The following RIMBP2 variants were observed in gnomAD, a reference collection of about 807,000 sequenced individuals.
The protein encoded by RIMBP2 is RIMS binding protein 2.
In RIMBP2, 48 loss-of-function variants were observed where a neutral mutation model predicts 118.6. The ratio of observed to expected loss-of-function variants is 0.40; its 90% confidence interval spans 0.32 to 0.51. RIMBP2 has a LOEUF of 0.51. Among genes scored for constraint, RIMBP2 ranks in the 20% least tolerant of loss-of-function variants. The pLI is 0.41. For synonymous variants in RIMBP2, 762 were observed against 742.9 expected, an observed-to-expected ratio of 1.03 and a Z score of -0.42; for missense variants, 1,551 against 1,768.3, an observed-to-expected ratio of 0.88 and a Z score of 2.20.
intron 7 of RIMBP2, among the ~76,000 whole-genome samples, chr12:130,456,042 C>T (rs1442048222): frequency 2.6e-5 from 4 of 152,202 alleles, no homozygotes; most frequent in African/African-American, 9.6e-5. Context: ...CCCAACATCA[C>T]CAACAAGTTA....
chr12:130,424,250 G>C lies in RIMBP2; in HGVS notation c.3021C>G (p.Thr1007=). ...PPRKHGWGEP[T]EHQDFRGVWK... is the part of the protein sequence containing the mutation. The stretch of plus-strand genomic sequence containing the variant: ...AGACACCCCGAAAATCTTGGTGCTC[G>C]GTGGGCTCGCCCCAGCCGTGCTTCC... The change falls in exon 16 of 23, where the codon ACC becomes ACG. Residue 1007 remains threonine, a synonymous_variant. Coordinates refer to ENST00000690449, the MANE Select transcript of RIMBP2 (RefSeq NM_001393629.1). This position sits in a 1 kb window ranked among gnomAD's most constrained non-coding sequence, Gnocchi z 9.8. 8.1e-7 allele frequency: 1 copy of C among 1,231,928 alleles called. No homozygotes were observed. The highest frequency in any genetic ancestry group is 1.0e-6 in the Non-Finnish European group (1 of 987,916). 76.3% of individuals were successfully genotyped at this position (1,231,928 alleles called of 1,614,324 possible).
chr12:130,480,354 G>A (rs1360309439), intron 4 of RIMBP2, among the ~76,000 whole-genome samples: 2 of 152,162 alleles, frequency 1.3e-5, no homozygotes, highest in Non-Finnish European at 2.9e-5. Context: ...TGAGAAGGGA[G>A]TGGGAGCTGC....
At chr12:130,441,405 A>AATAATAATCATC (rs201279756) in intron 11 of RIMBP2, among the ~76,000 whole-genome samples, 10 of 51,914 alleles carry the variant, frequency 1.9e-4, no homozygotes, top group South Asian at 1.0e-3. Flanking sequence ...CATCTCAAAT[A>AATAATAATCATC]ATAATAATAA....
chr12:130,581,617 T>C lies in RIMBP2; in HGVS notation c.-217+46705A>G, dbSNP rs1183832782. 3.3e-5 allele frequency among the ~76,000 whole-genome samples: 5 copies of C among 152,202 alleles called. No homozygotes were observed. The highest frequency in any genetic ancestry group is 7.3e-5 in the Non-Finnish European group (5 of 68,032). ...GGCTCAGGCCTCAGACCTGTCGCCT[T>C]CCTTCCTCTGTTCTCTTTGTCCTGT... On this transcript the variant is annotated intron_variant, in intron 2 of 22. Transcript: ENST00000690449. The surrounding 1 kb of genome is among the most constrained non-coding windows in gnomAD (Gnocchi z 4.4).
chr12:130,645,581 C>T (rs1382692722), intron 1 of RIMBP2, among the ~76,000 whole-genome samples: 2 of 152,184 alleles, frequency 1.3e-5, no homozygotes, highest in African/African-American at 4.8e-5. Context: ...AAGTCATGCC[C>T]TCTCCCACTG....
intron 14 of RIMBP2, among the ~76,000 whole-genome samples, chr12:130,433,351 T>C (rs1385390652): frequency 6.6e-6 from 1 of 152,218 alleles, no homozygotes; most frequent in Non-Finnish European, 1.5e-5. Context: ...TCACTGCATG[T>C]GCGTGTGACT....
Position 130,622,044 on chromosome 12 carries a change from A to G in RIMBP2, c.-217+6278T>C, listed in dbSNP as rs1002937962. 2.6e-5 allele frequency among the ~76,000 whole-genome samples: 4 copies of G among 152,254 alleles called. No individual in the cohort carries two copies. Among genetic ancestry groups the G allele is most frequent in the African/African-American group, 4.8e-5 (2 of 41,464 alleles). ...ACCAACAAAATGGAATTTAAAATACATAATTGCTTTAGTCATGAAGAGTAA... is the reference window on the plus strand; with the variant it reads ...ACCAACAAAATGGAATTTAAAATACGTAATTGCTTTAGTCATGAAGAGTAA... On this transcript the variant is annotated intron_variant, in intron 2 of 22. Coordinates refer to ENST00000690449, the MANE Select transcript of RIMBP2 (RefSeq NM_001393629.1). The surrounding 1 kb of genome is among the most constrained non-coding windows in gnomAD (Gnocchi z 8.5).
At chr12:130,638,862 G>A (rs1044255313) in intron 1 of RIMBP2, among the ~76,000 whole-genome samples, 1 of 152,150 alleles carries the variant, frequency 6.6e-6, no homozygotes, top group African/African-American at 2.4e-5. Context: ...TACAGGGTCT[G>A]ATGCTATGAC....
In RIMBP2 at chr12:130,585,303, C is replaced by T. The variant is rs532346035; in HGVS notation, c.-217+43019G>A. Among the ~76,000 whole-genome samples, 56 of 152,076 alleles carry T rather than the reference C, an allele frequency of 3.7e-4. No homozygotes were observed. In the Middle Eastern group the frequency reaches 0.01, roughly 28 times the overall value. ...GTTACTTTCTGCTCATGAGGCGGGG[C>T]GATGGGGAGATGCCTTTTGGACGTT... On this transcript the variant is annotated intron_variant, in intron 2 of 22. Transcript: ENST00000690449.
At chr12:130,440,147 C>T (rs2077997966) in intron 11 of RIMBP2, among the ~76,000 whole-genome samples, 1 of 112,916 alleles carries the variant, frequency 8.9e-6, no homozygotes, top group Non-Finnish European at 1.8e-5. Context: ...CGTCCCCGGG[C>T]ATGGCTAACC....
At chr12:130,533,140 G>A (rs1264185384) in intron 2 of RIMBP2, among the ~76,000 whole-genome samples, 2 of 151,604 alleles carry the variant, frequency 1.3e-5, no homozygotes, top group Non-Finnish European at 2.9e-5. Context: ...CGTCTAATGA[G>A]ATGCGTGTGT....
At chr12:130,398,279 G>C (rs188880059) in intron 22 of RIMBP2, 2 of 152,348 alleles carry the variant, frequency 1.3e-5, no homozygotes, top group African/African-American at 2.4e-5. Flanking sequence ...ATGTGCCTGA[G>C]TTGGCAGTGC....
chr12:130,707,465 T>C (rs1949578517), intron 1 of RIMBP2, among the ~76,000 whole-genome samples: 2 of 152,074 alleles, frequency 1.3e-5, no homozygotes, highest in South Asian at 4.1e-4. Flanking sequence ...TCAGAGGCGG[T>C]GACCTTTGAG....
rs2064091946 is a variant in RIMBP2, at chr12:130,669,283, T to C, written c.-351-40827A>G. ...TAGCACGTGCTTGATAACTATGTAA[T>C]AAATAGGCTAAAAACTGGAATAGTA... On this transcript the variant is annotated intron_variant, in intron 1 of 22. Coordinates refer to ENST00000690449, the MANE Select transcript of RIMBP2 (RefSeq NM_001393629.1). 2 of 152,136 alleles carry C rather than the reference T, an allele frequency of 1.3e-5. 1 individual carries two copies. The highest frequency in any genetic ancestry group is 4.8e-5 in the African/African-American group (2 of 41,418). 9.4% of individuals were successfully genotyped at this position (152,136 alleles called of 1,614,324 possible). A position where few individuals can be genotyped will look rare whatever the true frequency, so the allele number is the denominator to read the frequency against.
chr12:130,694,251 A>C (rs1049319849), intron 1 of RIMBP2, among the ~76,000 whole-genome samples: 1 of 152,156 alleles, frequency 6.6e-6, no homozygotes, highest in Non-Finnish European at 1.5e-5. Flanking sequence ...CACTGCCCTC[A>C]ACCAGGGGAA....
chr12:130,518,000 T>C (rs933086748), intron 2 of RIMBP2, 83 bp from the exon 3 acceptor site: 2 of 410,186 alleles, frequency 4.9e-6, no homozygotes, highest in East Asian at 3.2e-4. Flanking sequence ...AGCTCCAATG[T>C]GGTAATGAGA....
At chr12:130,609,106 G>A (rs908856156) in intron 2 of RIMBP2, among the ~76,000 whole-genome samples, 1 of 152,114 alleles carries the variant, frequency 6.6e-6, no homozygotes, top group Non-Finnish European at 1.5e-5. Context: ...CTGTATGGAG[G>A]TTCCTCAAAA....
At position 130,483,219 on chromosome 12, in the gene RIMBP2, A is replaced by T; in HGVS notation, c.-3-4203T>A. Among the ~76,000 whole-genome samples, 5 of 139,694 alleles carry T rather than the reference A, an allele frequency of 3.6e-5. 1 individual carries two copies. Among genetic ancestry groups the T allele is most frequent in the East Asian group, 2.1e-4 (1 of 4,652 alleles). The allele number at this position is 139,694 out of a possible 152,430, so 91.6% of individuals were successfully genotyped here. Reference sequence around the variant, plus strand: ...TCAGATTCTGCAGGGGAGGGGGCAGACCTCATCCAAATACACCCACTGTGT... The same window carrying T: ...TCAGATTCTGCAGGGGAGGGGGCAGTCCTCATCCAAATACACCCACTGTGT... On this transcript the variant is annotated intron_variant, in intron 4 of 22. Coordinates refer to ENST00000690449, the MANE Select transcript of RIMBP2 (RefSeq NM_001393629.1).
At position 130,504,525 on chromosome 12, in the gene RIMBP2, G is replaced by A. The variant is rs151258589; in HGVS notation, c.-4+2123C>T. Among the ~76,000 whole-genome samples the A allele has an allele frequency of 2.3e-4, 35 of 152,154 alleles. No homozygotes were observed. The East Asian group carries it at 4.8e-3, about 21-fold the overall frequency. On this transcript the variant is annotated intron_variant, in intron 4 of 22. Coordinates refer to ENST00000690449, the MANE Select transcript of RIMBP2 (RefSeq NM_001393629.1). ...GCATCGCCGGCTTTGAAGGTGGAGC[G>A]CGAGGCCCTGAGCAGCCCTTGCAGC...
Sources: gnomAD v4.1 joint callset for allele counts (sites outside exome capture counted in the v4.1 genomes callset) on GRCh38, gnomAD v4.1.1 for gene constraint, Gnocchi (gnomAD v3.1) non-coding constraint, MANE v1.5 for transcripts, NCBI Gene and HGNC (gene_info 2026-07-23, HGNC 2026-07-21) for gene names.